The following AMZ1 variants were observed in gnomAD, a reference collection of about 807,000 sequenced individuals.
The protein encoded by AMZ1 is archaelysin family metallopeptidase 1.
In AMZ1, 39 loss-of-function variants were observed where a neutral mutation model predicts 29.9. The observed-to-expected ratio is 1.30, with a 90% CI of 1.01 to 1.70. The LOEUF is 1.70. Ranked by LOEUF, AMZ1 falls within the 40% of genes most tolerant of loss-of-function variation. The pLI is 0.00. For synonymous variants in AMZ1, 458 were observed against 304.0 expected (o/e 1.51, Z -5.27); for missense variants, 1,041 against 680.6 (o/e 1.53, Z -5.89).
upstream of AMZ1, chr7:2,762,723 C>T (rs1169366502): frequency 1.3e-6 from 2 of 1,560,784 alleles, no homozygotes; most frequent in Non-Finnish European, 1.7e-6. Flanking sequence ...GGGAAGCAGG[C>T]CCCATGTCCT....
intron 4 of AMZ1, among the ~76,000 whole-genome samples, chr7:2,727,675 G>C (rs1207795203): frequency 6.6e-6 from 1 of 152,152 alleles, no homozygotes; most frequent in Non-Finnish European, 1.5e-5. Flanking sequence ...ATTTACAATG[G>C]TTCTCCTACA....
At chr7:2,760,150 G>A (rs984867488), upstream of AMZ1, among the ~76,000 whole-genome samples, 3 of 152,242 alleles carry the variant, frequency 2.0e-5, no homozygotes, top group Non-Finnish European at 2.9e-5. Context: ...CGTGATGGAC[G>A]TGCTTTCTTC....
At position 2,713,864 on chromosome 7, in the gene AMZ1, C is replaced by T. The variant is rs10245798; in HGVS notation, c.*986C>T. On this transcript the variant is annotated 3_prime_UTR_variant, in exon 7 of 7. Transcript: ENST00000683327. The stretch of plus-strand genomic sequence containing the variant: ...GACAGTTTCTTGGCAAAGGTGGCCG[C>T]GCTGTCAGTACCAAGTAGCTGGAGG... 0.17 allele frequency: 25,462 copies of T among 152,130 alleles called. 2,235 individuals are homozygous for T. Among genetic ancestry groups the T allele is most frequent in the Middle Eastern group, 0.2 (58 of 292 alleles). 9.4% of individuals were successfully genotyped at this position (152,130 alleles called of 1,614,324 possible). A position where few individuals can be genotyped will look rare whatever the true frequency, so the allele number is the denominator to read the frequency against.
intron 6 of AMZ1, among the ~76,000 whole-genome samples, chr7:2,710,528 G>A (rs1788707060): frequency 6.6e-6 from 1 of 152,156 alleles, no homozygotes. Flanking sequence ...GTGGTTCCCG[G>A]ACCGAGCCTG....
At chr7:2,757,951 T>C (rs1791382304) in intron 4 of AMZ1, among the ~76,000 whole-genome samples, 1 of 152,214 alleles carries the variant, frequency 6.6e-6, no homozygotes, top group Non-Finnish European at 1.5e-5. Flanking sequence ...TAATAAGGAA[T>C]GATTCTTCCC....
intron 4 of AMZ1, among the ~76,000 whole-genome samples, chr7:2,742,124 A>C (rs2115331285): frequency 1.3e-5 from 2 of 151,842 alleles, no homozygotes; most frequent in Admixed American, 1.3e-4. Flanking sequence ...CAGGTTCAAG[A>C]GATTCTCCTG....
rs766452038 is a variant in AMZ1, at chr7:2,712,699, T to C, written c.1318T>C (p.Trp440Arg). The C allele has an allele frequency of 1.2e-5, 20 of 1,611,814 alleles. No homozygotes were observed. In the South Asian group the frequency reaches 2.2e-4, roughly 18 times the overall value. ...VDRAVDALDR[W>R]EMFTGQLPAT... ...CAGAGCCGTGGACGCCCTCGACCGCTGGGAGATGTTCACGGGCCAGCTCCC... is the reference window on the plus strand; with the variant it reads ...CAGAGCCGTGGACGCCCTCGACCGCCGGGAGATGTTCACGGGCCAGCTCCC... The change falls in exon 7 of 7, where the codon TGG (tryptophan) becomes CGG (arginine). Residue 440 changes from tryptophan (W) to arginine (R), a missense_variant. Trp to Arg is a moderately radical substitution (Grantham distance 101). Coordinates refer to ENST00000683327, the MANE Select transcript of AMZ1 (RefSeq NM_001384743.1).
rs975037059 is a variant in AMZ1, at chr7:2,708,769, T to G, written c.601+53T>G. ...TGGGGGGTAGCCTGGCATGGGGCTGTGGCCTCCGTGGCTGCAGGGCACCCT... is the reference window on the plus strand; with the variant it reads ...TGGGGGGTAGCCTGGCATGGGGCTGGGGCCTCCGTGGCTGCAGGGCACCCT... On this transcript the variant is annotated intron_variant, in intron 4 of 6. Transcript: ENST00000683327. 1.4e-5 allele frequency: 22 copies of G among 1,607,932 alleles called. No individual in the cohort carries two copies. The African/African-American group carries it at 1.9e-4, about 14-fold the overall frequency.
At chr7:2,745,946 G>A (rs1215864654) in intron 4 of AMZ1, among the ~76,000 whole-genome samples, 4 of 151,972 alleles carry the variant, frequency 2.6e-5, no homozygotes, top group Admixed American at 1.3e-4. Context: ...ATGGTAAAGC[G>A]ATCAATTCAA....
chr7:2,710,345 G>A (rs566500938), intron 6 of AMZ1, among the ~76,000 whole-genome samples: 1 of 152,338 alleles, frequency 6.6e-6, no homozygotes, highest in African/African-American at 2.4e-5. Flanking sequence ...AAGCTCAAAA[G>A]CTTTACTCTG....
rs145041521 is a variant in AMZ1 at position 2,691,687 on chromosome 7, C to T, written c.-219+3391C>T. Among the ~76,000 whole-genome samples the T allele has an allele frequency of 1.3e-3, 175 of 135,326 alleles. 9 individuals carry two copies. The highest frequency in any genetic ancestry group is 5.0e-3 in the African/African-American group (161 of 32,376). The allele number at this position is 135,326 out of a possible 152,430, so 88.8% of individuals were successfully genotyped here. Reference sequence around the variant, plus strand: ...CGGAGGTTGCAGTGAGCCGAGATTGCGCCACTGCACTCTAACCTGGGTGAC... The same window carrying T: ...CGGAGGTTGCAGTGAGCCGAGATTGTGCCACTGCACTCTAACCTGGGTGAC... On this transcript the variant is annotated intron_variant, in intron 1 of 6. Transcript: ENST00000683327.
intron 2 of AMZ1, among the ~76,000 whole-genome samples, chr7:2,701,753 G>A (rs1039033221): frequency 2.0e-5 from 3 of 152,208 alleles, no homozygotes; most frequent in Non-Finnish European, 1.5e-5. Flanking sequence ...GGCTGACCTC[G>A]CCTGGCCTTG....
chr7:2,699,241 C>T (rs1385622704), intron 1 of AMZ1, among the ~76,000 whole-genome samples: 2 of 152,152 alleles, frequency 1.3e-5, no homozygotes, highest in African/African-American at 2.4e-5. Flanking sequence ...TGTGCGGTGA[C>T]GACTCTCAGG....
intron 3 of AMZ1, among the ~76,000 whole-genome samples, chr7:2,708,035 C>A (rs1225364273): frequency 6.6e-6 from 1 of 152,078 alleles, no homozygotes; most frequent in Non-Finnish European, 1.5e-5. Flanking sequence ...GTTGGCCAGG[C>A]TGGTCTCGAA....
intron 1 of AMZ1, among the ~76,000 whole-genome samples, chr7:2,696,549 A>G (rs182907128): frequency 0.042 from 6,273 of 149,128 alleles, 129 homozygotes; most frequent in African/African-American, 0.051. Context: ...GAGCCACCGC[A>G]CCTGGCCAAT....
chr7:2,738,283 TAAA>T (rs34320599), intron 4 of AMZ1, among the ~76,000 whole-genome samples: 4 of 142,848 alleles, frequency 2.8e-5, no homozygotes, highest in Admixed American at 6.9e-5. Flanking sequence ...AGGCTCCATC[TAAA>T]AAAAAAAAAA....
chr7:2,692,312 G>A (rs1298319347), intron 1 of AMZ1, among the ~76,000 whole-genome samples: 1 of 152,042 alleles, frequency 6.6e-6, no homozygotes, highest in Non-Finnish European at 1.5e-5. Context: ...AGGCCGAGGC[G>A]GGCGGATCAT....
chr7:2,709,297 C>G, intron 5 of AMZ1, 53 bp downstream of exon 5: 1 of 1,450,098 alleles, frequency 6.9e-7, no homozygotes, highest in East Asian at 2.5e-5. Context: ...GCTGTCTGAG[C>G]CCTTGGTGCC....
At chr7:2,721,185 G>C (rs1266642169), downstream of AMZ1, among the ~76,000 whole-genome samples, 1 of 152,216 alleles carries the variant, frequency 6.6e-6, no homozygotes, top group Admixed American at 6.5e-5. Flanking sequence ...CTGTGCCTGG[G>C]AGGGATGGAA....
Sources: gnomAD v4.1 joint callset for allele counts (sites outside exome capture counted in the v4.1 genomes callset) on GRCh38, gnomAD v4.1.1 for gene constraint, MANE v1.5 for transcripts, NCBI Gene and HGNC (gene_info 2026-07-23, HGNC 2026-07-21) for gene names.